TDRD7: variants seen among roughly 807,000 people sequenced by gnomAD.
TDRD7 encodes tudor domain-containing protein 7.
A neutral mutation model predicts 109.8 loss-of-function variants in TDRD7; 47 were observed. That is an observed-to-expected ratio of 0.43 (90% CI 0.34 to 0.55). The LOEUF (loss-of-function observed/expected upper bound fraction) is 0.55, where lower values mean the gene tolerates loss of function less well. TDRD7 is among the 20% of genes least tolerant of loss of function. The pLI, the probability that TDRD7 is intolerant of heterozygous loss-of-function variation, is 0.03. For synonymous variants in TDRD7, 424 were observed against 457.3 expected (o/e 0.93, Z 0.93); for missense variants, 1,164 against 1,319.2 (o/e 0.88, Z 1.82).
Position 97,464,857 on chromosome 9 carries a change from C to G in TDRD7, c.1458C>G (p.Asp486Glu). 6.2e-7 allele frequency: 1 copy of G among 1,614,128 alleles called. No homozygotes were observed. The highest frequency in any genetic ancestry group is 1.3e-5 in the African/African-American group (1 of 75,040). Reference sequence around the variant, plus strand: ...ACTGATTCAGGTATGTGGGCAAAGACTATTCTGCTGCTCAGGAATTAATGG... The same window carrying G: ...ACTGATTCAGGTATGTGGGCAAAGAGTATTCTGCTGCTCAGGAATTAATGG... ...NEVVIRYVGK[D>E]YSAAQELMED... Residue 486 changes from aspartate (D) to glutamate (E), a missense_variant, in exon 8 of 17, where the codon GAC becomes GAG. By Grantham distance (45) the Asp-to-Glu change is conservative. Transcript: ENST00000355295.
Position 97,487,218 on chromosome 9 carries a change from T to C in TDRD7, c.2962T>C (p.Ser988Pro). 6.2e-7 allele frequency: 1 copy of C among 1,614,004 alleles called. No individual in the cohort carries two copies. The highest frequency in any genetic ancestry group is 8.5e-7 in the Non-Finnish European group (1 of 1,179,914). The change falls in exon 16 of 17, where the codon TCT (serine) becomes CCT (proline). Residue 988 changes from serine to proline, a missense_variant. Around this residue, in one of 5 missense-constraint regions of TDRD7, gnomAD observed 162 missense variants for 222.5 expected, o/e 0.73. Coordinates refer to ENST00000355295, the MANE Select transcript of TDRD7 (RefSeq NM_014290.3). ...LKGILTNGLV[S>P]VYELDYGKHE... ...AGGAATCCTGACCAATGGACTGGTA[T>C]CTGTGTATGAGCTGGATTATGGCAA...
rs765618359 is a variant in TDRD7 at position 97,473,559 on chromosome 9, T to C, written c.2012T>C (p.Val671Ala). ...TCTGATGGGACACTCTACTGCCAGG[T>C]GCCTTGTAAGGGTCTGAACAAGCTC... is the stretch of plus-strand genomic sequence containing the variant. The part of the protein sequence containing the change: ...ICSDGTLYCQ[V>A]PCKGLNKLSD... The change falls in exon 11 of 17, where the codon GTG becomes GCG. Residue 671 changes from valine (V) to alanine (A), a missense_variant. This residue lies in a region of TDRD7 where 261 missense variants were observed against 336.2 expected (regional missense o/e 0.78). Coordinates refer to ENST00000355295, the MANE Select transcript of TDRD7 (RefSeq NM_014290.3). The C allele has an allele frequency of 1.9e-6, 3 of 1,613,884 alleles. No individual in the cohort carries two copies. The highest frequency in any genetic ancestry group is 1.7e-6 in the Non-Finnish European group (2 of 1,179,814).
chr9:97,431,212 C>A, intron 3 of TDRD7, 138 bp downstream of exon 3: 2 of 1,313,612 alleles, frequency 1.5e-6, no homozygotes, highest in Admixed American at 1.9e-5. Flanking sequence ...GATCCTGAAG[C>A]TAGCATTTCC....
rs75363422 is a variant in TDRD7 at position 97,462,243 on chromosome 9, C to G, written c.1442+1479C>G. On this transcript the variant is annotated intron_variant, in intron 7 of 16. Coordinates refer to ENST00000355295, the MANE Select transcript of TDRD7 (RefSeq NM_014290.3). ...GGTGCCATAGTCAGAGACCAAGCAC[C>G]GGGCCAGACCAATCACATGGTTTCT... Among the ~76,000 whole-genome samples the G allele has an allele frequency of 8.2e-3, 1,256 of 152,278 alleles. 44 individuals are homozygous for G. In the East Asian group the frequency reaches 0.11, roughly 13 times the overall value.
At position 97,491,638 on chromosome 9, in the gene TDRD7, T is replaced by TG. The variant is rs1021932884; in HGVS notation, c.3077-4021dup. On this transcript the variant is annotated intron_variant, in intron 16 of 16. Coordinates refer to ENST00000355295, the MANE Select transcript of TDRD7 (RefSeq NM_014290.3). ...GACTGGGAACTTCACCAGTGCTTCT[T>TG]GGGGTCTTTCCCCCTAGCTTAGGTG... 5.5e-4 allele frequency among the ~76,000 whole-genome samples: 84 copies of TG among 152,218 alleles called. 1 individual carries two copies. Among genetic ancestry groups the TG allele is most frequent in the African/African-American group, 1.9e-3 (80 of 41,456 alleles).
In TDRD7 at chr9:97,465,078, A is replaced by G. The variant is rs41316506; in HGVS notation, c.1629+50A>G. 10,953 of 1,559,910 alleles carry G rather than the reference A, an allele frequency of 7.0e-3. 43 individuals are homozygous for G. Among genetic ancestry groups the G allele is most frequent in the Non-Finnish European group, 7.9e-3 (9,036 of 1,150,878 alleles). On this transcript the variant is annotated intron_variant, in intron 8 of 16. Transcript: ENST00000355295. ...GCATTATGGATACAAATACCTTATT[A>G]TTTTCCAAATGTAAATATTTTTTAC...
Position 97,441,809 on chromosome 9 carries a change from G to T in TDRD7, c.789G>T (p.Glu263Asp). ...WISKLPHFYK[E>D]LYKEDLNQGI... is the part of the protein sequence containing the mutation. Reference sequence around the variant, plus strand: ...CTAAGCTTCCACATTTTTACAAAGAGTTATATAAAGAAGACCTTAATCAAG... The same window carrying T: ...CTAAGCTTCCACATTTTTACAAAGATTTATATAAAGAAGACCTTAATCAAG... Residue 263 changes from glutamate (E) to aspartate (D), a missense_variant, in exon 6 of 17, where the codon GAG (glutamate) becomes GAT (aspartate). Physicochemically the swap from Glu to Asp is conservative, Grantham distance 45. This residue lies in a region of TDRD7 where 407 missense variants were observed against 394.0 expected (regional missense o/e 1.03). Coordinates refer to ENST00000355295, the MANE Select transcript of TDRD7 (RefSeq NM_014290.3). The T allele has an allele frequency of 6.2e-7, 1 of 1,613,716 alleles. No homozygotes were observed. Among genetic ancestry groups the T allele is most frequent in the Non-Finnish European group, 8.5e-7 (1 of 1,179,798 alleles).
chr9:97,431,967 A>G, intron 3 of TDRD7, 58 bp from the exon 4 acceptor site: 1 of 1,473,296 alleles, frequency 6.8e-7, no homozygotes, highest in East Asian at 2.3e-5. Context: ...GGAGTGTCAT[A>G]ATGAAAGTGG....
chr9:97,475,737 A>G (rs1829007355), intron 12 of TDRD7, among the ~76,000 whole-genome samples: 1 of 152,186 alleles, frequency 6.6e-6, no homozygotes, highest in South Asian at 2.1e-4. Flanking sequence ...ACTTGTAGAT[A>G]CACACTTTTA....
chr9:97,483,210 G>A lies in TDRD7; in HGVS notation c.2774G>A (p.Gly925Asp), dbSNP rs777533841. The change falls in exon 15 of 17, where the codon GGC becomes GAC. Residue 925 changes from glycine (G) to aspartate (D), a missense_variant. Physicochemically the swap from Gly to Asp is moderately conservative, Grantham distance 94. Around this residue, in one of 5 missense-constraint regions of TDRD7, gnomAD observed 162 missense variants for 222.5 expected, o/e 0.73. Coordinates refer to ENST00000355295, the MANE Select transcript of TDRD7 (RefSeq NM_014290.3). ...TATGTGCCTGTGGCCTGTCACCCAG[G>A]CTACTTCGTCATCCAGCCTTGGCAG... ...DVYVPVACHP[G>D]YFVIQPWQEI... 11 of 1,613,218 alleles carry A rather than the reference G, an allele frequency of 6.8e-6. No homozygotes were observed. In the Admixed American group the frequency reaches 1.8e-4, roughly 27 times the overall value.
intron 15 of TDRD7, among the ~76,000 whole-genome samples, chr9:97,483,714 A>T (rs1025286571): frequency 1.3e-5 from 2 of 152,048 alleles, no homozygotes; most frequent in Non-Finnish European, 2.9e-5. Flanking sequence ...AAAGCATAAG[A>T]AATTAAAATC....
At chr9:97,454,785 A>C (rs1828573216) in intron 6 of TDRD7, among the ~76,000 whole-genome samples, 1 of 152,224 alleles carries the variant, frequency 6.6e-6, no homozygotes, top group Admixed American at 6.5e-5. Flanking sequence ...GAAAAGCAAG[A>C]GCAAACTAAT....
At position 97,416,834 on chromosome 9, in the gene TDRD7, G is replaced by A. The variant is rs1336866268; in HGVS notation, c.-7+4596G>A. On this transcript the variant is annotated intron_variant, in intron 1 of 16. Transcript: ENST00000355295. ...TATTCATTCAACAAATATTTATTGA[G>A]CTCTCGGTGGGCTAGGCACTAGGGA... 3.3e-5 allele frequency among the ~76,000 whole-genome samples: 5 copies of A among 152,008 alleles called. No homozygotes were observed. The South Asian group carries it at 1.0e-3, about 32-fold the overall frequency.
chr9:97,480,215 A>G (rs1829092785), intron 13 of TDRD7: 2 of 154,586 alleles, frequency 1.3e-5, no homozygotes, highest in Admixed American at 6.3e-5. Context: ...TGTTGTAGCC[A>G]TTCTACAGAT....
Position 97,432,388 on chromosome 9 carries a change from G to C in TDRD7, c.563+150G>C, listed in dbSNP as rs145255409. ...TCATTACCAGTTAAGTTCACTTCTA[G>C]CTGCCTGAACATCATTCTCTAAGTG... On this transcript the variant is annotated intron_variant, in intron 4 of 16. Transcript: ENST00000355295. The C allele has an allele frequency of 2.6e-4, 189 of 724,962 alleles. No homozygotes were observed. In the East Asian group the frequency reaches 5.0e-3, roughly 19 times the overall value. 44.9% of individuals were successfully genotyped at this position (724,962 alleles called of 1,614,324 possible). A position where few individuals can be genotyped will look rare whatever the true frequency, so the allele number is the denominator to read the frequency against.
chr9:97,464,725 A>G, intron 7 of TDRD7, 117 bp from the exon 8 acceptor site: 2 of 1,018,366 alleles, frequency 2.0e-6, no homozygotes, highest in Non-Finnish European at 3.1e-6. Context: ...GATATAAGCA[A>G]GTCTGAGACT....
chr9:97,475,253 C>T (rs993822346), intron 11 of TDRD7, 130 bp from the exon 12 acceptor site: 29 of 738,442 alleles, frequency 3.9e-5, no homozygotes, highest in Non-Finnish European at 5.9e-5. Context: ...GTGTTTGCTG[C>T]ATCCATTGCT....
chr9:97,492,094 GTC>G (rs1251807710), intron 16 of TDRD7, among the ~76,000 whole-genome samples: 1 of 152,272 alleles, frequency 6.6e-6, no homozygotes, highest in Admixed American at 6.5e-5. Context: ...CTTCCTGTCT[GTC>G]TCTCTGGTTT....
intron 16 of TDRD7, 24 bp downstream of exon 16, chr9:97,487,356 C>T (rs368967996): frequency 6.2e-7 from 1 of 1,613,746 alleles, no homozygotes; most frequent in African/African-American, 1.3e-5. Context: ...AATCTGAACT[C>T]ATGCTACAAC....
Sources: gnomAD v4.1 joint callset for allele counts (sites outside exome capture counted in the v4.1 genomes callset) on GRCh38, gnomAD v4.1.1 for gene constraint, gnomAD v4.1.1 regional missense constraint, MANE v1.5 for transcripts, NCBI Gene and HGNC (gene_info 2026-07-23, HGNC 2026-07-21) for gene names.